Variants in PRPF18 observed in about 807,000 individuals in gnomAD.
PRPF18 encodes the protein pre-mRNA processing factor 18.
PRPF18 carries 38 observed loss-of-function variants against 46.5 expected under a neutral mutation model. That is an observed-to-expected ratio of 0.82 (90% CI 0.63 to 1.07). The LOEUF (loss-of-function observed/expected upper bound fraction) is 1.07. PRPF18 is among the 50% of genes least tolerant of loss of function. PRPF18 has a pLI of 0.00. For synonymous variants in PRPF18, 152 were observed against 146.7 expected (o/e 1.04, Z -0.26); for missense variants, 263 against 410.0 (o/e 0.64, Z 3.10).
At chr10:13,592,028 A>C in intron 1 of PRPF18, 1 of 641,462 alleles carries the variant, frequency 1.6e-6, no homozygotes. Context: ...GGGTACTACC[A>C]TTCTTGTCAC....
At chr10:13,595,188 GA>G (rs1355982072) in intron 1 of PRPF18, among the ~76,000 whole-genome samples, 2 of 152,060 alleles carry the variant, frequency 1.3e-5, no homozygotes, top group African/African-American at 4.8e-5. Context: ...TGAGCACAAT[GA>G]AAACGGGGCA....
chr10:13,618,763 G>T (rs2080383201), intron 9 of PRPF18, among the ~76,000 whole-genome samples: 1 of 151,856 alleles, frequency 6.6e-6, no homozygotes, highest in African/African-American at 2.4e-5. Flanking sequence ...CTAGAATCTA[G>T]AACAATATCT....
chr10:13,651,959 G>A, the PRPF18 span: 1 of 1,587,918 alleles, frequency 6.3e-7, no homozygotes. Flanking sequence ...GAATGGGTGA[G>A]TTTTCTGTTG....
chr10:13,588,686 C>T (rs186728876), intron 1 of PRPF18, among the ~76,000 whole-genome samples: 3 of 152,218 alleles, frequency 2.0e-5, no homozygotes, highest in Admixed American at 2.0e-4. Flanking sequence ...AGTCTGTAGG[C>T]CTGCTCTTCA....
At chr10:13,639,387 T>A in the PRPF18 span, 30 of 152,360 alleles carry the variant, frequency 2.0e-4, no homozygotes, top group East Asian at 5.4e-3. Flanking sequence ...GTATCTGTTA[T>A]AGATGTGAAA....
the PRPF18 span, chr10:13,640,162 G>C: frequency 6.6e-6 from 1 of 152,228 alleles, no homozygotes; most frequent in Non-Finnish European, 1.5e-5. Context: ...CCAGCTCCTG[G>C]AAAAGCTTCC....
intron 1 of PRPF18, chr10:13,592,145 A>T: frequency 1.7e-6 from 1 of 602,860 alleles, no homozygotes; most frequent in Admixed American, 2.1e-5. Context: ...AATACATAGC[A>T]CATCGGGAAT....
intron 4 of PRPF18, among the ~76,000 whole-genome samples, chr10:13,606,604 G>C (rs147243036): frequency 4.0e-5 from 6 of 151,878 alleles, no homozygotes; most frequent in African/African-American, 1.5e-4. Context: ...GCGTAGTGGC[G>C]TGTGCCTGTA....
chr10:13,591,490 A>C, intron 1 of PRPF18: 1 of 662,042 alleles, frequency 1.5e-6, no homozygotes, highest in South Asian at 1.8e-5. Context: ...AAATTCCATG[A>C]GTCGGGGCAA....
intron 6 of PRPF18, 75 bp from the exon 7 acceptor site, chr10:13,613,666 G>A (rs752318126): frequency 7.0e-7 from 1 of 1,427,908 alleles, no homozygotes; most frequent in Non-Finnish European, 9.5e-7. Flanking sequence ...TTCTGTTTTT[G>A]TGTGCTAGAG....
At chr10:13,651,394 T>A in the PRPF18 span, 1 of 153,494 alleles carries the variant, frequency 6.5e-6, no homozygotes, top group African/African-American at 2.4e-5. Context: ...CACAGTAAAA[T>A]GTCTACAAAT....
intron 6 of PRPF18, among the ~76,000 whole-genome samples, chr10:13,611,968 C>G (rs1419139566): frequency 6.6e-6 from 1 of 151,808 alleles, no homozygotes; most frequent in African/African-American, 2.4e-5. Flanking sequence ...CAACCTCCAC[C>G]TCCCGGGTTC....
At chr10:13,654,229 AGG>A in the PRPF18 span, 2 of 616,726 alleles carry the variant, frequency 3.2e-6, no homozygotes, top group Admixed American at 2.7e-5. Context: ...ACCTCTATAA[AGG>A]CACAGCCAGG....
At chr10:13,599,768 G>C (rs1216036769) in intron 2 of PRPF18, among the ~76,000 whole-genome samples, 1 of 152,220 alleles carries the variant, frequency 6.6e-6, no homozygotes, top group Admixed American at 6.5e-5. Flanking sequence ...GTTTTGAAAA[G>C]CAGGATAGGA....
chr10:13,652,153 C>G, the PRPF18 span: 1 of 613,748 alleles, frequency 1.6e-6, no homozygotes. Context: ...ATAATTGAGT[C>G]AAAATACCTA....
chr10:13,597,763 G>T, intron 2 of PRPF18: 1 of 1,114,272 alleles, frequency 9.0e-7, no homozygotes. Flanking sequence ...GGCTTTTTGT[G>T]GACGGCATGA....
At chr10:13,629,968 A>T (rs1564465487) in intron 9 of PRPF18, among the ~76,000 whole-genome samples, 1 of 152,220 alleles carries the variant, frequency 6.6e-6, no homozygotes, top group Non-Finnish European at 1.5e-5. Flanking sequence ...CTGCTGTAAG[A>T]TATCCCATTT....
chr10:13,588,805 G>GT (rs2079915512), intron 1 of PRPF18, among the ~76,000 whole-genome samples: 1 of 152,148 alleles, frequency 6.6e-6, no homozygotes, highest in African/African-American at 2.4e-5. Context: ...TTGTGTAGCA[G>GT]TAACTTAGAC....
In PRPF18 at chr10:13,613,735, C is replaced by A; in HGVS notation, c.580-6C>A. On this transcript the variant is annotated splice_region_variant and splice_polypyrimidine_tract_variant and intron_variant, in intron 6 of 9. Transcript: ENST00000378572. ...TGTAGTCTAAGTTTACCCATCCTTT[C>A]AACAGTTTCTTCTTGGCGTTTGGGC... is the stretch of plus-strand genomic sequence containing the variant. 6.2e-7 allele frequency: 1 copy of A among 1,610,740 alleles called. No individual in the cohort carries two copies. The highest frequency in any genetic ancestry group is 8.5e-7 in the Non-Finnish European group (1 of 1,179,078).
Sources: gnomAD v4.1 joint callset for allele counts (sites outside exome capture counted in the v4.1 genomes callset) on GRCh38, gnomAD v4.1.1 for gene constraint, MANE v1.5 for transcripts, NCBI Gene and HGNC (gene_info 2026-07-23, HGNC 2026-07-21) for gene names.